ATM: variants seen among roughly 807,000 people sequenced by gnomAD.
ATM encodes the protein serine-protein kinase ATM.
In ATM, 308 loss-of-function variants were observed where a neutral mutation model predicts 387.0. The ratio of observed to expected loss-of-function variants is 0.80; its 90% CI spans 0.73 to 0.87. The LOEUF (loss-of-function observed/expected upper bound fraction) is 0.87. ATM is among the 40% of genes least tolerant of loss of function. The pLI is 0.00. For missense variants in ATM, 3,312 were observed against 3,560.9 expected, an observed-to-expected ratio of 0.93 and a Z score of 1.78; for synonymous variants, 1,156 against 1,187.3, an observed-to-expected ratio of 0.97 and a Z score of 0.54.
rs111716770 is a variant in ATM, at chr11:108,337,957, T to C, written c.8268+1996T>C. 8.0e-3 allele frequency among the ~76,000 whole-genome samples: 1,223 copies of C among 152,378 alleles called. 10 individuals are homozygous for C. The highest frequency in any genetic ancestry group is 0.027 in the African/African-American group (1,126 of 41,588). On this transcript the variant is annotated intron_variant, in intron 56 of 62. Transcript: ENST00000675843. ...AAAAAAGCAAATGCCTGACCTAGAA[T>C]ATCTTGAAAGCAGAAATTACTGAAC...
chr11:108,246,457 T>A (rs183015928), intron 7 of ATM, among the ~76,000 whole-genome samples: 1 of 152,312 alleles, frequency 6.6e-6, no homozygotes, highest in Admixed American at 6.5e-5. Flanking sequence ...ACCTTTTGTT[T>A]CGCATACTAG....
At position 108,247,038 on chromosome 11, in the gene ATM, A is replaced by T. The variant is rs1555068422; in HGVS notation, c.976A>T (p.Ile326Leu). The T allele has an allele frequency of 6.2e-7, 1 of 1,613,616 alleles. No homozygotes were observed. The highest frequency in any genetic ancestry group is 1.3e-5 in the African/African-American group (1 of 74,924). ...YDLLVNEISH[I>L]GSRGKYSSGF... is the part of the protein sequence containing the mutation. Reference sequence around the variant, plus strand: ...TCTGCTAGTGAATGAGATAAGTCATATAGGAAGTAGAGGAAAGTATTCTTC... The same window carrying T: ...TCTGCTAGTGAATGAGATAAGTCATTTAGGAAGTAGAGGAAAGTATTCTTC... The change falls in exon 8 of 63, where the codon ATA becomes TTA. Residue 326 changes from isoleucine (I) to leucine (L), a missense_variant. By Grantham distance (5) the Ile-to-Leu change is conservative. Around this residue, in one of 4 missense-constraint regions of ATM, gnomAD observed 1,791 missense variants for 1,804.5 expected, o/e 0.99. Coordinates refer to ENST00000675843, the MANE Select transcript of ATM (RefSeq NM_000051.4).
intron 61 of ATM, among the ~76,000 whole-genome samples, chr11:108,360,012 G>T (rs527316357): frequency 3.3e-5 from 5 of 151,944 alleles, no homozygotes; most frequent in Non-Finnish European, 5.9e-5. Flanking sequence ...CCAGGAGCTG[G>T]TTTTTTGAAA....
At position 108,250,141 on chromosome 11, in the gene ATM, A is replaced by AAT. The variant is rs10612272; in HGVS notation, c.1236-537_1236-536dup. Among the ~76,000 whole-genome samples, 959 of 146,506 alleles carry AAT rather than the reference A, an allele frequency of 6.5e-3. 5 individuals carry two copies. The highest frequency in any genetic ancestry group is 0.011 in the South Asian group (53 of 4,662). ...ATAACTCAGAAATAAAATATTGCTA[A>AAT]ATATATATATATATATATATATATT... On this transcript the variant is annotated intron_variant, in intron 9 of 62. Transcript: ENST00000675843.
chr11:108,309,563 A>G (rs529262910), intron 38 of ATM, among the ~76,000 whole-genome samples: 3 of 152,344 alleles, frequency 2.0e-5, no homozygotes, highest in Admixed American at 1.3e-4. Flanking sequence ...CTTCAACACT[A>G]GTGCTCTTAA....
chr11:108,268,459 T>C lies in ATM; in HGVS notation c.2688T>C (p.Leu896=), dbSNP rs769490863. 1.9e-6 allele frequency: 3 copies of C among 1,614,072 alleles called. No homozygotes were observed. In the Admixed American group the frequency reaches 5.0e-5, roughly 27 times the overall value. The change falls in exon 18 of 63, where the codon CTT becomes CTC. Residue 896 remains leucine, a synonymous_variant. Coordinates refer to ENST00000675843, the MANE Select transcript of ATM (RefSeq NM_000051.4). ...AEEYLSKQDL[L]FLDMLKFLCL... The stretch of plus-strand genomic sequence containing the variant: ...AATATCTGTCAAAGCAAGATCTACT[T>C]TTCTTAGACATGCTCAAGTTCTTGT...
At chr11:108,254,942 C>T (rs554929717) in intron 13 of ATM, among the ~76,000 whole-genome samples, 3 of 152,278 alleles carry the variant, frequency 2.0e-5, no homozygotes, top group East Asian at 1.9e-4. Flanking sequence ...AGCCACGGTG[C>T]CTGGCCTAAT....
intron 16 of ATM, among the ~76,000 whole-genome samples, chr11:108,259,640 G>A (rs1294958526): frequency 3.9e-5 from 6 of 152,096 alleles, no homozygotes; most frequent in Non-Finnish European, 8.8e-5. Context: ...AATTGGGAAC[G>A]AATCATCCAG....
chr11:108,345,354 A>G (rs73545031), intron 57 of ATM, among the ~76,000 whole-genome samples: 1,614 of 152,312 alleles, frequency 0.011, 20 homozygotes, highest in African/African-American at 0.036. Flanking sequence ...ATCAGCTGCC[A>G]TCTATGAGGG....
At chr11:108,233,569 C>CAAAAA (rs531411723) in intron 4 of ATM, among the ~76,000 whole-genome samples, 1 of 50,910 alleles carries the variant, frequency 2.0e-5, no homozygotes, top group Non-Finnish European at 4.1e-5. Context: ...ATCCTGTGTC[C>CAAAAA]AAAAAAAAAA....
At chr11:108,304,214 A>G (rs2083563688) in intron 36 of ATM, among the ~76,000 whole-genome samples, 1 of 152,220 alleles carries the variant, frequency 6.6e-6, no homozygotes, top group African/African-American at 2.4e-5. Flanking sequence ...TTTTAACATG[A>G]CTGTTGTAGT....
In ATM at chr11:108,252,072, GTTTT is replaced by G. The variant is rs774501091; in HGVS notation, c.1802+42_1802+45del. 7.0e-6 allele frequency: 11 copies of G among 1,561,128 alleles called. No individual in the cohort carries two copies. The African/African-American group carries it at 1.4e-4, about 19-fold the overall frequency. ...TAGCATGCTGCTGTTTTTTTTGTTT[GTTTT>G]ATCAGGCTCTCTCCACTTATTTGAT... On this transcript the variant is annotated intron_variant, in intron 11 of 62. Coordinates refer to ENST00000675843, the MANE Select transcript of ATM (RefSeq NM_000051.4).
chr11:108,258,404 T>C (rs1325176771), intron 15 of ATM, among the ~76,000 whole-genome samples: 1 of 152,190 alleles, frequency 6.6e-6, no homozygotes, highest in Non-Finnish European at 1.5e-5. Flanking sequence ...TTAATAAAAA[T>C]TTTTTGACCC....
chr11:108,296,942 A>G (rs1402446324), intron 32 of ATM: 2 of 321,596 alleles, frequency 6.2e-6, no homozygotes, highest in South Asian at 2.8e-5. Flanking sequence ...TAAATGTTAG[A>G]TGTTAAAAAG....
chr11:108,329,303 A>G (rs2086014148), intron 49 of ATM, 65 bp downstream of exon 49: 1 of 1,400,472 alleles, frequency 7.1e-7, no homozygotes, highest in South Asian at 1.2e-5. Context: ...GTTTTTGCAT[A>G]GAAAGAGTGA....
At chr11:108,291,052 A>C (rs2082764526) in intron 29 of ATM, among the ~76,000 whole-genome samples, 1 of 152,006 alleles carries the variant, frequency 6.6e-6, no homozygotes, top group Non-Finnish European at 1.5e-5. Context: ...TGGCTAACAC[A>C]GTGAAACCCC....
At chr11:108,319,009 C>CT (rs2084990985) in intron 43 of ATM, among the ~76,000 whole-genome samples, 1 of 151,018 alleles carries the variant, frequency 6.6e-6, no homozygotes, top group African/African-American at 2.5e-5. Flanking sequence ...AACCCCATCT[C>CT]TACAAAAAAA....
At chr11:108,248,588 C>T (rs2079967434) in intron 8 of ATM, among the ~76,000 whole-genome samples, 1 of 151,644 alleles carries the variant, frequency 6.6e-6, no homozygotes, top group African/African-American at 2.4e-5. Context: ...AAGACAATAG[C>T]AATGAAAAAA....
chr11:108,277,289 T>G (rs1221130021), intron 22 of ATM, among the ~76,000 whole-genome samples: 1 of 152,278 alleles, frequency 6.6e-6, no homozygotes. Flanking sequence ...CAGTGGATCT[T>G]AACTTGCTGG....
Sources: gnomAD v4.1 joint callset for allele counts (sites outside exome capture counted in the v4.1 genomes callset) on GRCh38, gnomAD v4.1.1 for gene constraint, gnomAD v4.1.1 regional missense constraint, MANE v1.5 for transcripts, NCBI Gene and HGNC (gene_info 2026-07-23, HGNC 2026-07-21) for gene names.